The following U2SURP variants were observed in gnomAD, a reference collection of about 807,000 sequenced individuals.
U2SURP encodes the protein U2 snRNP-associated SURP motif-containing protein.
Under a neutral mutation model 144.9 loss-of-function variants are expected in U2SURP, and 9 were observed. That is an observed-to-expected ratio of 0.06 (90% CI 0.04 to 0.11). U2SURP has a LOEUF of 0.11. Among genes scored for constraint, U2SURP ranks in the 10% least tolerant of loss-of-function variants. U2SURP has a pLI of 1.00. For missense variants in U2SURP, 724 were observed against 1,226.7 expected, an observed-to-expected ratio of 0.59 and a Z score of 6.12; for synonymous variants, 408 against 396.8, an observed-to-expected ratio of 1.03 and a Z score of -0.33.
rs368106734 is a variant in U2SURP, at chr3:143,035,872, AC to A, written c.1942-109del. The stretch of plus-strand genomic sequence containing the variant: ...GTTATTTTCTTTAAAGTTTAAAAAA[AC>A]ATCAGTTTAAAGGCAAATTTAGCAA... On this transcript the variant is annotated intron_variant, in intron 19 of 27. Transcript: ENST00000473835. 2.0e-3 allele frequency: 2,306 copies of A among 1,140,098 alleles called. 21 individuals are homozygous for A. In the African/African-American group the frequency reaches 0.028, roughly 14 times the overall value. The allele number at this position is 1,140,098 out of a possible 1,614,324, so 70.6% of individuals were successfully genotyped here. A position where few individuals can be genotyped will look rare whatever the true frequency, so the allele number is the denominator to read the frequency against.
At chr3:143,018,435 C>T (rs1024325685) in intron 6 of U2SURP, among the ~76,000 whole-genome samples, 24 of 152,030 alleles carry the variant, frequency 1.6e-4, no homozygotes, top group African/African-American at 5.8e-4. Flanking sequence ...TATTGTTTAT[C>T]CATGCATTAC....
At chr3:143,004,368 T>G (rs1935710528) in intron 1 of U2SURP, among the ~76,000 whole-genome samples, 1 of 142,394 alleles carries the variant, frequency 7.0e-6, no homozygotes, top group African/African-American at 2.6e-5. Context: ...TTTTTTTTTT[T>G]TTTTTTTTTT....
chr3:143,037,202 T>C lies in U2SURP; in HGVS notation c.2088T>C (p.Gly696=). ...AGGATGTTCCAGATGACCTTGATGG[T>C]GCCCCCATCGAGGAAGAGCTTGATG... ...ETEDVPDDLD[G]APIEEELDGA... Residue 696 remains glycine (G), a synonymous_variant, in exon 21 of 28, where the codon GGT becomes GGC. Transcript: ENST00000473835. 6.2e-7 allele frequency: 1 copy of C among 1,612,132 alleles called. No homozygotes were observed. The highest frequency in any genetic ancestry group is 8.5e-7 in the Non-Finnish European group (1 of 1,178,988).
intron 14 of U2SURP, among the ~76,000 whole-genome samples, chr3:143,027,766 G>A (rs1053846869): frequency 4.6e-5 from 7 of 152,070 alleles, no homozygotes; most frequent in Admixed American, 3.3e-4. Flanking sequence ...GTTCTGCAAC[G>A]GGATGGGAAG....
chr3:143,049,831 A>T (rs1012905114), intron 24 of U2SURP, among the ~76,000 whole-genome samples: 2 of 152,244 alleles, frequency 1.3e-5, no homozygotes, highest in South Asian at 4.1e-4. Context: ...AAGTAAAATT[A>T]AGCTCACTTA....
intron 1 of U2SURP, among the ~76,000 whole-genome samples, chr3:143,006,174 A>G (rs953916959): frequency 6.6e-6 from 1 of 152,240 alleles, no homozygotes; most frequent in Non-Finnish European, 1.5e-5. Flanking sequence ...AGTGTTTTGA[A>G]TAATTTAAAA....
At chr3:143,043,346 T>TCAA in intron 24 of U2SURP, 70 bp downstream of exon 24, 2 of 1,478,924 alleles carry the variant, frequency 1.4e-6, no homozygotes, top group Non-Finnish European at 1.8e-6. Context: ...CTAAGTTGCC[T>TCAA]CTTTGCATTG....
At chr3:143,003,029 G>A (rs1935619823) in intron 1 of U2SURP, among the ~76,000 whole-genome samples, 1 of 152,086 alleles carries the variant, frequency 6.6e-6, no homozygotes, top group South Asian at 2.1e-4. Context: ...ATAACAAGTC[G>A]TGCATAAGCC....
intron 24 of U2SURP, 57 bp from the exon 25 acceptor site, chr3:143,050,882 G>A: frequency 8.2e-7 from 1 of 1,219,986 alleles, no homozygotes; most frequent in African/African-American, 1.5e-5. Context: ...AAGCAAAACA[G>A]TGCTTGAGAA....
chr3:143,016,187 G>A, intron 4 of U2SURP, 70 bp from the exon 5 acceptor site: 3 of 1,381,416 alleles, frequency 2.2e-6, no homozygotes, highest in Non-Finnish European at 2.0e-6. Context: ...ATTATTCCTT[G>A]ATGAATTTAG....
At position 143,022,643 on chromosome 3, in the gene U2SURP, A is replaced by G. The variant is rs1486955350; in HGVS notation, c.999A>G (p.Arg333=). The stretch of plus-strand genomic sequence containing the variant: ...TTATGAATAGAAGAGATGCTGAAAG[A>G]GCTTTAAAAAATTTGAATGGTAAGA... ...VAFMNRRDAE[R]ALKNLNGKMI... is the part of the protein sequence containing the mutation. Residue 333 remains arginine (R), a synonymous_variant, in exon 11 of 28, where the codon AGA becomes AGG. Transcript: ENST00000473835. 10 of 1,610,510 alleles carry G rather than the reference A, an allele frequency of 6.2e-6. No individual in the cohort carries two copies. Among genetic ancestry groups the G allele is most frequent in the East Asian group, 2.2e-5 (1 of 44,842 alleles).
At chr3:143,009,609 A>C (rs924030078) in intron 1 of U2SURP, among the ~76,000 whole-genome samples, 1 of 152,038 alleles carries the variant, frequency 6.6e-6, no homozygotes, top group Non-Finnish European at 1.5e-5. Context: ...AGAAAAAAAA[A>C]AAATGAAAGA....
intron 25 of U2SURP, among the ~76,000 whole-genome samples, chr3:143,051,602 CAAAAAA>C (rs3041537): frequency 1.4e-4 from 13 of 90,638 alleles, no homozygotes; most frequent in African/African-American, 2.0e-4. Flanking sequence ...ACTGTCGTTG[CAAAAAA>C]AAAAAAAAAA....
rs373462452 is a variant in U2SURP, at chr3:143,021,999, T to C, written c.852+444T>C. Among the ~76,000 whole-genome samples the C allele has an allele frequency of 2.6e-5, 4 of 152,250 alleles. No individual in the cohort carries two copies. In the East Asian group the frequency reaches 5.8e-4, roughly 22 times the overall value. ...AACGGTAGTATATAATATGCTATTATTAAAAATTATATTTTGCATATATAC... is the reference window on the plus strand; with the variant it reads ...AACGGTAGTATATAATATGCTATTACTAAAAATTATATTTTGCATATATAC... On this transcript the variant is annotated intron_variant, in intron 10 of 27. Transcript: ENST00000473835.
intron 20 of U2SURP, 146 bp downstream of exon 20, chr3:143,036,250 T>C: frequency 1.1e-5 from 10 of 921,382 alleles, no homozygotes; most frequent in Non-Finnish European, 1.5e-5. Context: ...TTTTTATTGC[T>C]GGAACCCAGA....
rs1935067224 is a variant in U2SURP at position 143,054,939 on chromosome 3, A to T, written c.2775-4A>T. ...TGGAATGTTTTGGGGGCTTTGTTCC[A>T]TAGGAAGAGGCGACACAGTACATCC... On this transcript the variant is annotated splice_polypyrimidine_tract_variant and splice_region_variant and intron_variant, in intron 26 of 27. Coordinates refer to ENST00000473835, the MANE Select transcript of U2SURP (RefSeq NM_001080415.2). 6.3e-7 allele frequency: 1 copy of T among 1,586,348 alleles called. No homozygotes were observed. The highest frequency in any genetic ancestry group is 8.5e-7 in the Non-Finnish European group (1 of 1,171,366).
At chr3:143,020,101 A>G in intron 7 of U2SURP, 65 bp downstream of exon 7, 9 of 1,012,552 alleles carry the variant, frequency 8.9e-6, no homozygotes, top group Non-Finnish European at 1.1e-5. Context: ...AACAGATGCA[A>G]GTATAAAGAA....
At chr3:143,020,958 G>C (rs564822291) in intron 8 of U2SURP, among the ~76,000 whole-genome samples, 1 of 152,294 alleles carries the variant, frequency 6.6e-6, no homozygotes, top group South Asian at 2.1e-4. Context: ...TTGGGAGGCC[G>C]AGGCAAGTGG....
intron 24 of U2SURP, among the ~76,000 whole-genome samples, chr3:143,050,177 G>T (rs1175328961): frequency 6.6e-6 from 1 of 152,046 alleles, no homozygotes; most frequent in South Asian, 2.1e-4. Flanking sequence ...GGGTTCAAGC[G>T]ATTCTCCTGC....
Sources: gnomAD v4.1 joint callset for allele counts (sites outside exome capture counted in the v4.1 genomes callset) on GRCh38, gnomAD v4.1.1 for gene constraint, MANE v1.5 for transcripts, NCBI Gene and HGNC (gene_info 2026-07-23, HGNC 2026-07-21) for gene names.